ADSL: variants seen among roughly 807,000 people sequenced by gnomAD.
ADSL encodes the protein adenylosuccinase.
In ADSL, 44 loss-of-function variants were observed where a neutral mutation model predicts 62.1. The ratio of observed to expected loss-of-function variants is 0.71; its 90% CI spans 0.56 to 0.91. The LOEUF (loss-of-function observed/expected upper bound fraction) is 0.91. Ranked by LOEUF, ADSL falls within the 40% of genes least tolerant of loss-of-function variation. The pLI, the probability that ADSL is intolerant of heterozygous loss-of-function variation, is 0.00. For missense variants in ADSL, 531 were observed against 627.4 expected, an observed-to-expected ratio of 0.85 and a Z score of 1.64; for synonymous variants, 198 against 220.5, an observed-to-expected ratio of 0.90 and a Z score of 0.90.
chr22:40,380,364 A>ATTT (rs555526386), intron 2 of ADSL, among the ~76,000 whole-genome samples: 9 of 134,252 alleles, frequency 6.7e-5, no homozygotes, highest in African/African-American at 1.7e-4. Flanking sequence ...AATATCTATA[A>ATTT]TTTTTTTTTT....
At chr22:40,349,748 G>A in intron 1 of ADSL, 84 bp from the exon 2 acceptor site, 1 of 1,224,718 alleles carries the variant, frequency 8.2e-7, no homozygotes, top group South Asian at 1.3e-5. Flanking sequence ...CTGCTAACAT[G>A]AATCAGTTTT....
intron 2 of ADSL, chr22:40,376,624 A>G (rs767008393): frequency 6.6e-6 from 1 of 152,148 alleles, no homozygotes; most frequent in Admixed American, 6.5e-5. Flanking sequence ...ATTAACTCAC[A>G]ATCCTCACAT....
chr22:40,382,029 C>T lies in ADSL; in HGVS notation c.90-8201C>T, dbSNP rs80165341. Among the ~76,000 whole-genome samples, 176 of 152,188 alleles carry T rather than the reference C, an allele frequency of 1.2e-3. No individual in the cohort carries two copies. The East Asian group carries it at 0.029, about 25-fold the overall frequency. ...GATCAGAATAAAAGCTCCACAGAGA[C>T]AGGATTTTGTTTTGTTCACTGTCCT... On this transcript the variant is annotated intron_variant, in intron 2 of 2. Transcript: ENST00000498234.
chr22:40,386,171 C>G (rs1309152414), intron 2 of ADSL, among the ~76,000 whole-genome samples: 2 of 152,022 alleles, frequency 1.3e-5, no homozygotes, highest in African/African-American at 4.8e-5. Context: ...TGAGCCACCA[C>G]CTCTCCCAGC....
intron 2 of ADSL, among the ~76,000 whole-genome samples, chr22:40,384,955 C>T (rs575770998): frequency 6.6e-6 from 1 of 152,234 alleles, no homozygotes; most frequent in East Asian, 1.9e-4. Context: ...ATTTGGAATC[C>T]ATTAGGAATG....
intron 2 of ADSL, 116 bp downstream of exon 2, chr22:40,350,151 G>A (rs1601553003): frequency 1.0e-6 from 1 of 967,736 alleles, no homozygotes; most frequent in Non-Finnish European, 1.6e-6. Context: ...TTTTTTTGAG[G>A]CAGAGTCTCC....
rs553883483 is a variant in ADSL, at chr22:40,367,840, CCTAAA to C, written c.*1322_*1326del. 12 of 152,458 alleles carry C rather than the reference CCTAAA, an allele frequency of 7.9e-5. No homozygotes were observed. The South Asian group carries it at 2.5e-3, about 32-fold the overall frequency. The allele number at this position is 152,458 out of a possible 1,614,324, so 9.4% of individuals were successfully genotyped here. ...ACCTAAATCGGCTGAAATGATGTGT[CCTAAA>C]CTAGAGGAAAAAGTTAATAAAGATC... On this transcript the variant is annotated 3_prime_UTR_variant, in exon 13 of 13. Transcript: ENST00000623063.
intron 12 of ADSL, among the ~76,000 whole-genome samples, chr22:40,365,745 C>G (rs892859551): frequency 1.3e-5 from 2 of 151,768 alleles, no homozygotes; most frequent in African/African-American, 2.4e-5. Flanking sequence ...GTGGTGTGCG[C>G]CTGTAGTCTC....
At chr22:40,371,853 C>T (rs944253627), downstream of ADSL, among the ~76,000 whole-genome samples, 3 of 151,924 alleles carry the variant, frequency 2.0e-5, no homozygotes, top group East Asian at 1.9e-4. Flanking sequence ...CCCGCCACCA[C>T]GCCCGGCTAA....
chr22:40,360,805 C>G (rs1010729399), intron 7 of ADSL, among the ~76,000 whole-genome samples: 1 of 151,704 alleles, frequency 6.6e-6, no homozygotes, highest in Non-Finnish European at 1.5e-5. Context: ...TCACTGCAAC[C>G]TCCACCTCCT....
At chr22:40,348,502 G>A (rs1294991388) in intron 1 of ADSL, 2 of 398,516 alleles carry the variant, frequency 5.0e-6, no homozygotes, top group Non-Finnish European at 8.8e-6. Context: ...TCTCACCTCA[G>A]CCTCCCAAGC....
chr22:40,358,841 G>A (rs10427931), intron 4 of ADSL, 23 bp from the exon 5 acceptor site: 61 of 1,613,622 alleles, frequency 3.8e-5, no homozygotes, highest in African/African-American at 1.7e-4. Context: ...TGAGACTTTC[G>A]TGTGTTCTCT....
chr22:40,377,393 A>T (rs369803915), intron 2 of ADSL, among the ~76,000 whole-genome samples: 4 of 152,346 alleles, frequency 2.6e-5, no homozygotes, highest in East Asian at 3.9e-4. Context: ...CAACGAGCTG[A>T]GTCTTCAGCT....
At chr22:40,380,373 T>C (rs1206430474) in intron 2 of ADSL, among the ~76,000 whole-genome samples, 1 of 151,040 alleles carries the variant, frequency 6.6e-6, no homozygotes, top group Non-Finnish European at 1.5e-5. Context: ...AATTTTTTTT[T>C]TTTTTTTTCC....
chr22:40,381,914 C>A (rs926967046), intron 2 of ADSL, among the ~76,000 whole-genome samples: 3 of 152,132 alleles, frequency 2.0e-5, no homozygotes, highest in Admixed American at 6.5e-5. Flanking sequence ...AGCCAAGATT[C>A]GCGCCACTGC....
chr22:40,352,293 C>T (rs376426010), intron 2 of ADSL, among the ~76,000 whole-genome samples: 6 of 152,058 alleles, frequency 3.9e-5, no homozygotes, highest in South Asian at 2.1e-4. Context: ...TTTGGGAGGC[C>T]GAGGTGGGCG....
intron 1 of ADSL, chr22:40,348,855 T>A (rs774187352): frequency 1.7e-5 from 6 of 349,030 alleles, no homozygotes; most frequent in Admixed American, 9.4e-5. Context: ...ATTCAGCCCT[T>A]GGATCTAAGT....
chr22:40,346,996 C>G (rs1298421407), intron 1 of ADSL, among the ~76,000 whole-genome samples: 3 of 152,222 alleles, frequency 2.0e-5, no homozygotes, highest in African/African-American at 4.8e-5. Flanking sequence ...TTGGCCATCC[C>G]CGCAGGAGTA....
intron 6 of ADSL, 94 bp downstream of exon 6, chr22:40,359,400 T>C (rs1385559867): frequency 1.5e-6 from 2 of 1,302,500 alleles, no homozygotes; most frequent in East Asian, 4.6e-5. Context: ...TTTTTGCCTT[T>C]TTCTTCCTTT....
Sources: gnomAD v4.1 joint callset for allele counts (sites outside exome capture counted in the v4.1 genomes callset) on GRCh38, gnomAD v4.1.1 for gene constraint, MANE v1.5 for transcripts, NCBI Gene and HGNC (gene_info 2026-07-23, HGNC 2026-07-21) for gene names.